NIBAN2: variants seen among roughly 807,000 people sequenced by gnomAD.
The protein encoded by NIBAN2 is niban apoptosis regulator 2.
NIBAN2 carries 36 observed loss-of-function variants against 81.8 expected under a neutral mutation model. The ratio of observed to expected loss-of-function variants is 0.44; its 90% CI spans 0.34 to 0.58. NIBAN2 has a LOEUF of 0.58. Ranked by LOEUF, NIBAN2 falls within the 20% of genes least tolerant of loss-of-function variation. The pLI, the probability that NIBAN2 is intolerant of heterozygous loss-of-function variation, is 0.02. For synonymous variants in NIBAN2, 445 were observed against 441.6 expected (o/e 1.01, Z -0.10); for missense variants, 897 against 1,014.1 (o/e 0.88, Z 1.57).
At chr9:127,577,034 G>A (rs1242992815) in intron 1 of NIBAN2, among the ~76,000 whole-genome samples, 5 of 151,916 alleles carry the variant, frequency 3.3e-5, no homozygotes, top group Non-Finnish European at 7.4e-5. Context: ...TAAAGTAACA[G>A]ATGAGGCCAG....
chr9:127,523,003 T>C (rs907344306), intron 5 of NIBAN2, among the ~76,000 whole-genome samples: 1 of 151,022 alleles, frequency 6.6e-6, no homozygotes, highest in East Asian at 2.0e-4. Flanking sequence ...TGCTCCCTTG[T>C]TGCACACCCA....
intron 1 of NIBAN2, among the ~76,000 whole-genome samples, chr9:127,550,101 C>T (rs147758992): frequency 6.6e-6 from 1 of 152,304 alleles, no homozygotes; most frequent in African/African-American, 2.4e-5. Context: ...GGTGGTGATA[C>T]AGGGCTAAGA....
chr9:127,516,167 T>C (rs911243628), intron 8 of NIBAN2, among the ~76,000 whole-genome samples: 2 of 152,114 alleles, frequency 1.3e-5, no homozygotes, highest in Non-Finnish European at 2.9e-5. Flanking sequence ...GAACGTCCCA[T>C]GGGCAACTGA....
chr9:127,524,798 T>A, intron 4 of NIBAN2: 1 of 366,622 alleles, frequency 2.7e-6, no homozygotes, highest in South Asian at 4.3e-5. Context: ...AAAAGCAGGA[T>A]GCCAAGAAGA....
At position 127,506,928 on chromosome 9, in the gene NIBAN2, C is replaced by T. The variant is rs1352117009; in HGVS notation, c.2158G>A (p.Gly720Arg). ...CTGCTGGGGCTGGACACCTGCTCTC[C>T]AGTCTCCTGGTCGCTGGGCTTGGGG... The part of the protein sequence containing the change: ...GPPKPSDQET[G>R]EQVSSPSSHP... The change falls in exon 14 of 14, where the codon GGA becomes AGA. Residue 720 changes from glycine to arginine, a missense_variant. Physicochemically the swap from Gly to Arg is moderately radical, Grantham distance 125. Around this residue, in one of 3 missense-constraint regions of NIBAN2, gnomAD observed 619 missense variants for 691.0 expected, o/e 0.90. Coordinates refer to ENST00000373312, the MANE Select transcript of NIBAN2 (RefSeq NM_022833.4). 1.2e-6 allele frequency: 2 copies of T among 1,611,932 alleles called. No individual in the cohort carries two copies. The highest frequency in any genetic ancestry group is 2.2e-5 in the East Asian group (1 of 44,872).
At position 127,531,802 on chromosome 9, in the gene NIBAN2, G is replaced by C. The variant is rs2132189612; in HGVS notation, c.56-24C>G. 3 of 1,613,876 alleles carry C rather than the reference G, an allele frequency of 1.9e-6. No individual in the cohort carries two copies. The East Asian group carries it at 6.7e-5, about 36-fold the overall frequency. On this transcript the variant is annotated intron_variant, in intron 1 of 13. Transcript: ENST00000373312. ...TTCTGGAAGAGAAGGACAAGCAGGA[G>C]CTTGAGGTCCTCAGGGATGCTGATG...
rs554713084 is a variant in NIBAN2, at chr9:127,506,790, C to G, written c.*55G>C. On this transcript the variant is annotated 3_prime_UTR_variant, in exon 14 of 14. Coordinates refer to ENST00000373312, the MANE Select transcript of NIBAN2 (RefSeq NM_022833.4). ...GTGCCCTCCCCAGAGCTGAGCCTGC[C>G]TGGGTCCGGAAGGGAACGGCCTGTG... 19 of 1,490,842 alleles carry G rather than the reference C, an allele frequency of 1.3e-5. No individual in the cohort carries two copies. The South Asian group carries it at 2.1e-4, about 16-fold the overall frequency. The allele number at this position is 1,490,842 out of a possible 1,614,324, so 92.4% of individuals were successfully genotyped here. A position where few individuals can be genotyped will look rare whatever the true frequency, so the allele number is the denominator to read the frequency against.
rs989932291 is a variant in NIBAN2, at chr9:127,517,351, C to T, written c.706-135G>A. On this transcript the variant is annotated intron_variant, in intron 6 of 13. Transcript: ENST00000373312. The surrounding 1 kb of genome is among the most constrained non-coding windows in gnomAD (Gnocchi z 4.0). ...CTGGCCCATTGCTTCACCCTCCCTG[C>T]TGCCCTCTCTCCTGAGCTCCATTCC... The T allele has an allele frequency of 2.9e-6, 2 of 694,590 alleles. No individual in the cohort carries two copies. The highest frequency in any genetic ancestry group is 4.9e-6 in the Non-Finnish European group (2 of 406,466). 43.0% of individuals were successfully genotyped at this position (694,590 alleles called of 1,614,324 possible). A position where few individuals can be genotyped will look rare whatever the true frequency, so the allele number is the denominator to read the frequency against.
intron 8 of NIBAN2, among the ~76,000 whole-genome samples, chr9:127,511,202 G>A (rs951465214): frequency 1.7e-4 from 24 of 145,418 alleles, no homozygotes; most frequent in Admixed American, 1.5e-3. Flanking sequence ...GCACCACCAT[G>A]CCCGGTGATT....
intron 1 of NIBAN2, among the ~76,000 whole-genome samples, chr9:127,550,948 CT>C (rs1837564507): frequency 1.3e-5 from 2 of 151,972 alleles, no homozygotes; most frequent in African/African-American, 2.4e-5. Context: ...CTTCAACCCC[CT>C]GTCCCGTGTG....
chr9:127,560,073 G>A (rs1446406979), intron 1 of NIBAN2, among the ~76,000 whole-genome samples: 4 of 152,132 alleles, frequency 2.6e-5, no homozygotes, highest in Non-Finnish European at 4.4e-5. Context: ...TCTGACTCCC[G>A]GCCTCTTTCT....
chr9:127,507,529 G>T lies in NIBAN2; in HGVS notation c.1655-98C>A. ...AAGAAGACCCGTCTCATCCCGCCTT[G>T]GGGGTCTGTGGTTGGGATGTGACTC... is the stretch of plus-strand genomic sequence containing the variant. On this transcript the variant is annotated intron_variant, in intron 13 of 13. Transcript: ENST00000373312. This position sits in a 1 kb window ranked among gnomAD's most constrained non-coding sequence, Gnocchi z 6.8. The T allele has an allele frequency of 1.8e-6, 2 of 1,101,232 alleles. No homozygotes were observed. The highest frequency in any genetic ancestry group is 2.5e-6 in the Non-Finnish European group (2 of 786,782). 68.2% of individuals were successfully genotyped at this position (1,101,232 alleles called of 1,614,324 possible). A position where few individuals can be genotyped will look rare whatever the true frequency, so the allele number is the denominator to read the frequency against.
At position 127,507,285 on chromosome 9, in the gene NIBAN2, T is replaced by C; in HGVS notation, c.1801A>G (p.Ser601Gly). 1 of 1,587,866 alleles carries C rather than the reference T, an allele frequency of 6.3e-7. No homozygotes were observed. Among genetic ancestry groups the C allele is most frequent in the Non-Finnish European group, 8.6e-7 (1 of 1,164,488 alleles). Residue 601 changes from serine (S) to glycine (G), a missense_variant, in exon 14 of 14, where the codon AGC becomes GGC. Coordinates refer to ENST00000373312, the MANE Select transcript of NIBAN2 (RefSeq NM_022833.4). The surrounding 1 kb of genome is among the most constrained non-coding windows in gnomAD (Gnocchi z 6.8). ...EEYSNSGGGGSPSPSTPESAT... is the reference protein window; with the variant it reads ...EEYSNSGGGGGPSPSTPESAT... The stretch of plus-strand genomic sequence containing the variant: ...GACTCCGGGGTGCTGGGGCTGGGGC[T>C]GCCGCCCCCGCCGCTGTTGCTGTAC...
Position 127,512,436 on chromosome 9 carries a change from G to A in NIBAN2, c.974-2103C>T, listed in dbSNP as rs140323456. Among the ~76,000 whole-genome samples the A allele has an allele frequency of 7.9e-3, 1,204 of 152,070 alleles. 8 individuals are homozygous for A. The highest frequency in any genetic ancestry group is 0.04 in the South Asian group (194 of 4,808). ...AGAGCAGCTGGGACTACAGGCATGC[G>A]CCACCACATCCAGCTAAGCTTTGTA... On this transcript the variant is annotated intron_variant, in intron 8 of 13. Coordinates refer to ENST00000373312, the MANE Select transcript of NIBAN2 (RefSeq NM_022833.4).
chr9:127,513,106 C>T (rs1036558586), intron 8 of NIBAN2, among the ~76,000 whole-genome samples: 1 of 152,150 alleles, frequency 6.6e-6, no homozygotes, highest in Non-Finnish European at 1.5e-5. Context: ...TTCAGCCAGG[C>T]ACAGAAAGAC....
intron 1 of NIBAN2, among the ~76,000 whole-genome samples, chr9:127,578,034 C>CA (rs1322058345): frequency 2.6e-5 from 4 of 151,532 alleles, no homozygotes; most frequent in Non-Finnish European, 5.9e-5. Context: ...ACTAAAAACA[C>CA]AAAAAAATTA....
intron 1 of NIBAN2, among the ~76,000 whole-genome samples, chr9:127,544,174 T>C (rs760427090): frequency 2.0e-5 from 3 of 152,214 alleles, no homozygotes; most frequent in African/African-American, 7.2e-5. Flanking sequence ...CAGGTTGGAA[T>C]GGTATCTTGT....
chr9:127,557,201 G>T (rs1251178787), intron 1 of NIBAN2, among the ~76,000 whole-genome samples: 1 of 152,160 alleles, frequency 6.6e-6, no homozygotes, highest in Non-Finnish European at 1.5e-5. Flanking sequence ...CTGGCTGCAG[G>T]GCTTGGTCTG....
chr9:127,521,695 G>A (rs1233479990), intron 5 of NIBAN2, among the ~76,000 whole-genome samples: 1 of 152,114 alleles, frequency 6.6e-6, no homozygotes, highest in Non-Finnish European at 1.5e-5. Flanking sequence ...GTCAGCTCCC[G>A]CCCTGGGGAG....
Sources: gnomAD v4.1 joint callset for allele counts (sites outside exome capture counted in the v4.1 genomes callset) on GRCh38, gnomAD v4.1.1 for gene constraint, gnomAD v4.1.1 regional missense constraint, Gnocchi (gnomAD v3.1) non-coding constraint, MANE v1.5 for transcripts, NCBI Gene and HGNC (gene_info 2026-07-23, HGNC 2026-07-21) for gene names.